The following CTNNA2 variants were observed in gnomAD, a reference collection of about 807,000 sequenced individuals.
The protein encoded by CTNNA2 is catenin alpha 2.
Under a neutral mutation model 101.0 loss-of-function variants are expected in CTNNA2, and 42 were observed. The ratio of observed to expected loss-of-function variants is 0.42; its 90% confidence interval spans 0.32 to 0.54. The LOEUF (loss-of-function observed/expected upper bound fraction) is 0.54. Ranked by LOEUF, CTNNA2 falls within the 20% of genes least tolerant of loss-of-function variation. The pLI, the probability that CTNNA2 is intolerant of heterozygous loss-of-function variation, is 0.14. For synonymous variants in CTNNA2, 450 were observed against 456.4 expected (o/e 0.99, Z 0.18); for missense variants, 871 against 1,223.1 (o/e 0.71, Z 4.29).
intron 3 of CTNNA2, among the ~76,000 whole-genome samples, chr2:79,331,050 A>AACCTCTATGTAGCATTTTGCC (rs1351306553): frequency 1.3e-5 from 2 of 152,186 alleles, no homozygotes; most frequent in Non-Finnish European, 2.9e-5. Flanking sequence ...TGCATTTTTC[A>AACCTCTATGTAGCATTTTGCC]ACCTCTATGT....
intron 12 of CTNNA2, among the ~76,000 whole-genome samples, chr2:80,571,661 C>T (rs534097588): frequency 6.6e-6 from 1 of 152,012 alleles, no homozygotes; most frequent in South Asian, 2.1e-4. Flanking sequence ...ATTGTTTTTC[C>T]CACTCGAACT....
chr2:79,557,521 A>C (rs1401404700), intron 1 of CTNNA2, among the ~76,000 whole-genome samples: 1 of 151,944 alleles, frequency 6.6e-6, no homozygotes, highest in East Asian at 1.9e-4. Flanking sequence ...TTTAAACTCA[A>C]TGCTGTTCTA....
chr2:80,052,796 A>C (rs893468712), intron 7 of CTNNA2, among the ~76,000 whole-genome samples: 2 of 152,214 alleles, frequency 1.3e-5, no homozygotes, highest in African/African-American at 2.4e-5. Context: ...GTTTGCTCTG[A>C]CCATTTGAGA....
intron 7 of CTNNA2, among the ~76,000 whole-genome samples, chr2:80,390,557 AAC>A (rs1161996937): frequency 1.3e-5 from 2 of 152,218 alleles, no homozygotes; most frequent in African/African-American, 4.8e-5. Flanking sequence ...TACAATCTTG[AAC>A]ATGACTCTTT....
chr2:80,094,152 G>A (rs1382547303), intron 7 of CTNNA2, among the ~76,000 whole-genome samples: 1 of 152,156 alleles, frequency 6.6e-6, no homozygotes, highest in Non-Finnish European at 1.5e-5. Flanking sequence ...TAACATGTAA[G>A]TCTTTAATCC....
chr2:79,708,181 G>A (rs895205968), intron 2 of CTNNA2, among the ~76,000 whole-genome samples: 2 of 152,210 alleles, frequency 1.3e-5, no homozygotes, highest in African/African-American at 4.8e-5. Flanking sequence ...TGCTTATACA[G>A]TGTACTATGC....
chr2:80,101,044 T>C (rs1350462277), intron 7 of CTNNA2, among the ~76,000 whole-genome samples: 1 of 152,226 alleles, frequency 6.6e-6, no homozygotes, highest in Non-Finnish European at 1.5e-5. Context: ...TTCTGGCTGT[T>C]GTAAGTCTGA....
At chr2:80,166,920 T>C (rs191859272) in intron 7 of CTNNA2, among the ~76,000 whole-genome samples, 1 of 152,020 alleles carries the variant, frequency 6.6e-6, no homozygotes, top group African/African-American at 2.4e-5. Flanking sequence ...TCTTTTTTTT[T>C]GTCTGTGCCG....
At chr2:80,095,253 G>A (rs934944524) in intron 7 of CTNNA2, among the ~76,000 whole-genome samples, 3 of 152,142 alleles carry the variant, frequency 2.0e-5, no homozygotes, top group Admixed American at 2.0e-4. Flanking sequence ...TGCATCTATT[G>A]AGATAATCAT....
intron 7 of CTNNA2, among the ~76,000 whole-genome samples, chr2:80,372,236 T>A (rs1675508775): frequency 6.6e-6 from 1 of 152,068 alleles, no homozygotes; most frequent in Non-Finnish European, 1.5e-5. Context: ...ATAGGATGGA[T>A]GCTGTGGAAC....
chr2:79,547,235 TTTCTC>T (rs1673793685), intron 1 of CTNNA2: 1 of 152,212 alleles, frequency 6.6e-6, no homozygotes, highest in African/African-American at 2.4e-5. Context: ...TAGTGAGTGT[TTTCTC>T]TAATATGCTT....
chr2:79,654,927 A>G (rs1264913937), intron 2 of CTNNA2, among the ~76,000 whole-genome samples: 1 of 152,200 alleles, frequency 6.6e-6, no homozygotes, highest in Admixed American at 6.5e-5. Flanking sequence ...AATTGAGGAT[A>G]AACACTTGAA....
intron 3 of CTNNA2, among the ~76,000 whole-genome samples, chr2:79,797,908 T>C (rs1675847302): frequency 6.6e-6 from 1 of 151,520 alleles, no homozygotes. Flanking sequence ...TATTTCTTAA[T>C]TTTTTTTATA....
chr2:80,594,239 A>G (rs1187404878), intron 15 of CTNNA2, among the ~76,000 whole-genome samples: 1 of 152,064 alleles, frequency 6.6e-6, no homozygotes, highest in Non-Finnish European at 1.5e-5. Context: ...TTCCCTAATG[A>G]TTAATTATGT....
At chr2:79,280,702 A>AGAGAGAGAGAGAGAGAGAGACC (rs1675353131) in intron 2 of CTNNA2, among the ~76,000 whole-genome samples, 2 of 133,224 alleles carry the variant, frequency 1.5e-5, no homozygotes, top group Non-Finnish European at 3.3e-5. Flanking sequence ...AGAGAGAGAG[A>AGAGAGAGAGAGAGAGAGAGACC]CCTATAGCTC....
At chr2:80,528,157 ATCAGTGGTTC>A (rs959892859) in intron 9 of CTNNA2, among the ~76,000 whole-genome samples, 17 of 152,194 alleles carry the variant, frequency 1.1e-4, no homozygotes, top group African/African-American at 4.1e-4. Flanking sequence ...TTTGGAATAG[ATCAGTGGTTC>A]TCAACCTTAG....
chr2:79,943,006 C>T (rs139161375), intron 7 of CTNNA2, among the ~76,000 whole-genome samples: 7 of 152,162 alleles, frequency 4.6e-5, no homozygotes, highest in Non-Finnish European at 7.4e-5. Flanking sequence ...CACCTGAGGT[C>T]AGAAGTTCAA....
intron 7 of CTNNA2, among the ~76,000 whole-genome samples, chr2:80,339,308 T>G (rs1672024581): frequency 6.6e-6 from 1 of 152,160 alleles, no homozygotes; most frequent in Admixed American, 6.5e-5. Context: ...TAGTTTGAGT[T>G]GCATCTAGGT....
chr2:79,213,994 G>T (rs923399199), intron 2 of CTNNA2, among the ~76,000 whole-genome samples: 1 of 152,154 alleles, frequency 6.6e-6, no homozygotes, highest in African/African-American at 2.4e-5. Flanking sequence ...AACACTACAG[G>T]GTGGGGTCCT....
Sources: gnomAD v4.1 joint callset for allele counts (sites outside exome capture counted in the v4.1 genomes callset) on GRCh38, gnomAD v4.1.1 for gene constraint, MANE v1.5 for transcripts, NCBI Gene and HGNC (gene_info 2026-07-23, HGNC 2026-07-21) for gene names.